VPS13C: variants seen among roughly 807,000 people sequenced by gnomAD.
VPS13C encodes the protein vacuolar protein sorting 13 homolog C, also known as intermembrane lipid transfer protein VPS13C.
In VPS13C, 358 loss-of-function variants were observed where a neutral mutation model predicts 456.8. The observed-to-expected ratio is 0.78, with a 90% CI of 0.72 to 0.86. The LOEUF (loss-of-function observed/expected upper bound fraction) is 0.86, where lower values mean the gene tolerates loss of function less well. Ranked by LOEUF, VPS13C falls within the 40% of genes least tolerant of loss-of-function variation. VPS13C has a pLI of 0.00. For missense variants in VPS13C, 4,818 were observed against 4,385.4 expected (o/e 1.10, Z -2.79); for synonymous variants, 1,578 against 1,486.7 (o/e 1.06, Z -1.41).
chr15:62,008,623 C>T (rs776918421), intron 14 of VPS13C, 32 bp downstream of exon 14: 4 of 1,480,780 alleles, frequency 2.7e-6, no homozygotes, highest in African/African-American at 1.4e-5. Flanking sequence ...ATTATATGTT[C>T]CTCACAAAAC....
At chr15:61,950,526 G>C (rs111673750) in intron 40 of VPS13C, 109 bp from the exon 41 acceptor site, 3 of 728,624 alleles carry the variant, frequency 4.1e-6, no homozygotes, top group African/African-American at 3.8e-5. Flanking sequence ...AGAGTAAAAA[G>C]ATATTTCCTA....
chr15:61,982,408 G>C (rs781662573), intron 21 of VPS13C, 51 bp downstream of exon 21: 17 of 1,421,948 alleles, frequency 1.2e-5, no homozygotes, highest in Non-Finnish European at 1.4e-5. Flanking sequence ...ATTAGAGTAG[G>C]CAAAATTTTT....
rs550750955 is a variant in VPS13C, at chr15:62,031,031, G to T, written c.385+2410C>A. ...GAATTTAATCTTTCTCTTTATGATA[G>T]CCTTCCAGAAAAATAAACTCACTCC... On this transcript the variant is annotated intron_variant, in intron 5 of 84. Transcript: ENST00000644861. 1.6e-4 allele frequency among the ~76,000 whole-genome samples: 25 copies of T among 152,086 alleles called. No homozygotes were observed. The South Asian group carries it at 4.8e-3, about 29-fold the overall frequency.
Position 61,922,446 on chromosome 15 carries a change from A to G in VPS13C, c.6926T>C (p.Ile2309Thr). 2 of 1,613,956 alleles carry G rather than the reference A, an allele frequency of 1.2e-6. No individual in the cohort carries two copies. Among genetic ancestry groups the G allele is most frequent in the Non-Finnish European group, 1.7e-6 (2 of 1,179,896 alleles). ...AGCCATTAGAGAAGTCCAATTTTTA[A>G]TATTTCCTGAAAACTTAGACTCTGC... ...LLAESKFSGN[I>T]KNWTSLMAAV... The change falls in exon 54 of 85, where the codon ATT (isoleucine) becomes ACT (threonine). Residue 2309 changes from isoleucine to threonine, a missense_variant. Coordinates refer to ENST00000644861, the MANE Select transcript of VPS13C (RefSeq NM_020821.3).
Position 61,867,057 on chromosome 15 carries a change from AT to A in VPS13C, c.10863+1601del. The A allele has an allele frequency of 4.3e-6, 4 of 923,162 alleles. No homozygotes were observed. Among genetic ancestry groups the A allele is most frequent in the Non-Finnish European group, 5.2e-6 (4 of 773,072 alleles). 57.2% of individuals were successfully genotyped at this position (923,162 alleles called of 1,614,324 possible). A position where few individuals can be genotyped will look rare whatever the true frequency, so the allele number is the denominator to read the frequency against. On this transcript the variant is annotated intron_variant, in intron 81 of 84. Coordinates refer to ENST00000644861, the MANE Select transcript of VPS13C (RefSeq NM_020821.3). This position sits in a 1 kb window ranked among gnomAD's most constrained non-coding sequence, Gnocchi z 5.0. ...AATTTCAAAAATAATGATTATAATTATTTTTTCTCTAAGATAATAAACCCTC... is the reference window on the plus strand; with the variant it reads ...AATTTCAAAAATAATGATTATAATTATTTTTCTCTAAGATAATAAACCCTC...
At chr15:61,951,776 G>A in intron 39 of VPS13C, 48 bp downstream of exon 39, 1 of 1,539,936 alleles carries the variant, frequency 6.5e-7, no homozygotes, top group Non-Finnish European at 8.8e-7. Context: ...AAAAGGTAGG[G>A]ATCATCTGCC....
At chr15:62,060,091 C>T (rs1470383459) in intron 1 of VPS13C, among the ~76,000 whole-genome samples, 184 bp downstream of exon 1, 1 of 152,150 alleles carries the variant, frequency 6.6e-6, no homozygotes, top group East Asian at 1.9e-4. Context: ...TCTCCCCAGC[C>T]GGAGTCGGGA....
At position 61,922,174 on chromosome 15, in the gene VPS13C, A is replaced by G; in HGVS notation, c.6976-141T>C. 3 of 1,044,060 alleles carry G rather than the reference A, an allele frequency of 2.9e-6. No individual in the cohort carries two copies. In the South Asian group the frequency reaches 4.9e-5, roughly 17 times the overall value. 64.7% of individuals were successfully genotyped at this position (1,044,060 alleles called of 1,614,324 possible). ...ACCCATCTAACAATATATAGAGTGT[A>G]TTTTCCTTTACTCTCTTACTCTATT... is the stretch of plus-strand genomic sequence containing the variant. On this transcript the variant is annotated intron_variant, in intron 54 of 84. Transcript: ENST00000644861.
At chr15:62,044,337 G>C in intron 1 of VPS13C, 82 bp from the exon 2 acceptor site, 1 of 828,388 alleles carries the variant, frequency 1.2e-6, no homozygotes, top group Non-Finnish European at 1.8e-6. Context: ...CAAGCACTAA[G>C]AAACTGGGCT....
intron 75 of VPS13C, among the ~76,000 whole-genome samples, chr15:61,876,772 C>A (rs1401592061): frequency 6.6e-6 from 1 of 151,788 alleles, no homozygotes; most frequent in African/African-American, 2.4e-5. Context: ...AAAAAAGGAA[C>A]TGGAGGAAAA....
intron 9 of VPS13C, 97 bp downstream of exon 9, chr15:62,020,382 G>T: frequency 9.9e-7 from 1 of 1,009,446 alleles, no homozygotes; most frequent in Non-Finnish European, 1.4e-6. Flanking sequence ...AAAAATCATA[G>T]TTCTTTGTCG....
At chr15:62,058,371 G>C (rs971423673) in intron 1 of VPS13C, among the ~76,000 whole-genome samples, 1 of 152,094 alleles carries the variant, frequency 6.6e-6, no homozygotes, top group Admixed American at 6.6e-5. Context: ...ATTGTATTGA[G>C]TGTGGTGGGG....
At chr15:61,882,791 C>A (rs1446076981) in intron 68 of VPS13C, 55 bp from the exon 69 acceptor site, 2 of 1,453,406 alleles carry the variant, frequency 1.4e-6, no homozygotes, top group South Asian at 3.4e-5. Context: ...AGTAGCTATT[C>A]CATTTTTAAT....
chr15:62,013,859 C>A, intron 10 of VPS13C, 74 bp downstream of exon 10: 1 of 1,142,052 alleles, frequency 8.8e-7, no homozygotes, highest in Admixed American at 1.9e-5. Flanking sequence ...TATTCTGCTC[C>A]ATCAATGTTT....
Position 61,927,187 on chromosome 15 carries a change from T to C in VPS13C, c.6420A>G (p.Thr2140=), listed in dbSNP as rs771598396. The change falls in exon 52 of 85, where the codon ACA becomes ACG. Residue 2140 remains threonine, a synonymous_variant. Transcript: ENST00000644861. ...CTTCCATCATCTGTTCGAGTTTGGA[T>C]GTTGACAGAGAAAGGTTGCACTGAA... The part of the protein sequence containing the change: ...ASFQCNLSLS[T]SKLEQMMEAS... 1 of 1,614,154 alleles carries C rather than the reference T, an allele frequency of 6.2e-7. No homozygotes were observed. Among genetic ancestry groups the C allele is most frequent in the South Asian group, 1.1e-5 (1 of 91,076 alleles).
chr15:62,013,954 T>C lies in VPS13C; in HGVS notation c.723A>G (p.Glu241=). Residue 241 remains glutamate, a synonymous_variant, in exon 10 of 85, where the codon GAA becomes GAG. Coordinates refer to ENST00000644861, the MANE Select transcript of VPS13C (RefSeq NM_020821.3). ...ATACCTTGTATATAATTTTGTCTGC[T>C]TCATTTAATATGCATGGAGTCCAGT... ...NEHWTPCILN[E]ADKIIYKLIR... The C allele has an allele frequency of 6.2e-7, 1 of 1,609,988 alleles. No homozygotes were observed. The highest frequency in any genetic ancestry group is 8.5e-7 in the Non-Finnish European group (1 of 1,177,864).
rs71125960 is a variant in VPS13C at position 61,980,183 on chromosome 15, C to CAAAAA, written c.2166+1154_2166+1158dup. 8.6e-4 allele frequency among the ~76,000 whole-genome samples: 39 copies of CAAAAA among 45,262 alleles called. 1 individual carries two copies. Among genetic ancestry groups the CAAAAA allele is most frequent in the East Asian group, 3.9e-3 (5 of 1,276 alleles). The allele number at this position is 45,262 out of a possible 152,430, so 29.7% of individuals were successfully genotyped here. On this transcript the variant is annotated intron_variant, in intron 22 of 84. Transcript: ENST00000644861. ...TGGGTGACAGAGCAAGACCCCATCT[C>CAAAAA]AAAAAAAAAAAAAAAAAAAAAAAAA...
intron 3 of VPS13C, 137 bp from the exon 4 acceptor site, chr15:62,035,189 C>A: frequency 2.2e-6 from 1 of 457,622 alleles, no homozygotes; most frequent in Admixed American, 4.1e-5. Flanking sequence ...GAAAAAAATC[C>A]AACACTAAAG....
At position 61,925,580 on chromosome 15, in the gene VPS13C, A is replaced by G. The variant is rs1190224156; in HGVS notation, c.6517-32T>C. On this transcript the variant is annotated intron_variant, in intron 52 of 84. Coordinates refer to ENST00000644861, the MANE Select transcript of VPS13C (RefSeq NM_020821.3). ...ACAGATAAATGAAATTCACATTTCC[A>G]TAGATCCATTATATACATAACACAC... 3 of 1,481,724 alleles carry G rather than the reference A, an allele frequency of 2.0e-6. 1 individual carries two copies. The highest frequency in any genetic ancestry group is 9.2e-7 in the Non-Finnish European group (1 of 1,088,276). The allele number at this position is 1,481,724 out of a possible 1,614,324, so 91.8% of individuals were successfully genotyped here.
Sources: allele counts gnomAD v4.1 joint callset (sites outside exome capture counted in the v4.1 genomes callset), GRCh38; gene constraint gnomAD v4.1.1; non-coding constraint Gnocchi (gnomAD v3.1); transcripts MANE v1.5; gene names NCBI Gene and HGNC (gene_info 2026-07-23, HGNC 2026-07-21).